PSMD11: variants seen among roughly 807,000 people sequenced by gnomAD.
The protein encoded by PSMD11 is 26S proteasome non-ATPase regulatory subunit 11.
In PSMD11, 5 loss-of-function variants were observed where a neutral mutation model predicts 62.3. That is an observed-to-expected ratio of 0.08 (90% CI 0.04 to 0.17). The LOEUF is 0.17. Ranked by LOEUF, PSMD11 falls within the 10% of genes least tolerant of loss-of-function variation. The pLI is 1.00. For synonymous variants in PSMD11, 191 were observed against 191.8 expected (o/e 1.00, Z 0.03); for missense variants, 310 against 512.9 (o/e 0.60, Z 3.82).
chr17:32,457,140 A>G (rs1369515113), intron 3 of PSMD11, among the ~76,000 whole-genome samples: 1 of 152,224 alleles, frequency 6.6e-6, no homozygotes, highest in African/African-American at 2.4e-5. Flanking sequence ...ACATTTATAT[A>G]AAGTAAAGAC....
chr17:32,446,994 G>A lies in PSMD11; in HGVS notation c.141G>A (p.Glu47=), dbSNP rs780251034. The change falls in exon 2 of 14, where the codon GAG becomes GAA. Residue 47 remains glutamate (E), a synonymous_variant. Coordinates refer to ENST00000261712, the MANE Select transcript of PSMD11 (RefSeq NM_002815.4). ...ENDEEAVQVK[E]QSILELGSLL... ...ATGAAGAGGCAGTGCAAGTCAAAGA[G>A]CAGAGCATCCTGGAACTGGGATCTC... 6.2e-7 allele frequency: 1 copy of A among 1,613,332 alleles called. No homozygotes were observed. The highest frequency in any genetic ancestry group is 1.1e-5 in the South Asian group (1 of 90,998).
intron 9 of PSMD11, among the ~76,000 whole-genome samples, chr17:32,478,761 C>T (rs185415620): frequency 2.6e-5 from 4 of 152,234 alleles, no homozygotes; most frequent in African/African-American, 9.6e-5. Context: ...CTGTAGAATA[C>T]ATGCTGAGAA....
chr17:32,458,950 C>G (rs960701015), intron 3 of PSMD11, among the ~76,000 whole-genome samples: 18 of 151,478 alleles, frequency 1.2e-4, no homozygotes, highest in African/African-American at 4.4e-4. Flanking sequence ...CAAAAATTAG[C>G]CAGGTGTGGT....
chr17:32,459,207 A>C (rs560466099), intron 3 of PSMD11, among the ~76,000 whole-genome samples: 176 of 148,814 alleles, frequency 1.2e-3, no homozygotes, highest in African/African-American at 4.2e-3. Context: ...TGGCTTGAAG[A>C]AGCTGCATAC....
intron 2 of PSMD11, 96 bp downstream of exon 2, chr17:32,447,142 C>T: frequency 8.3e-6 from 8 of 965,652 alleles, no homozygotes; most frequent in Non-Finnish European, 1.0e-5. Context: ...AAACTGAATT[C>T]AGCTTTATTT....
At chr17:32,468,450 T>C (rs934198628) in intron 5 of PSMD11, among the ~76,000 whole-genome samples, 1 of 152,250 alleles carries the variant, frequency 6.6e-6, no homozygotes, top group East Asian at 1.9e-4. Flanking sequence ...AGAAGTTTTA[T>C]AGGTTTCACT....
chr17:32,459,978 C>G (rs1907775551), intron 3 of PSMD11, among the ~76,000 whole-genome samples: 1 of 152,030 alleles, frequency 6.6e-6, no homozygotes, highest in Non-Finnish European at 1.5e-5. Context: ...AAAGAATAGA[C>G]AAGCAAGTCA....
At chr17:32,478,317 A>G (rs531022051) in intron 9 of PSMD11, among the ~76,000 whole-genome samples, 3 of 152,278 alleles carry the variant, frequency 2.0e-5, no homozygotes, top group African/African-American at 7.2e-5. Flanking sequence ...GAGATTCACC[A>G]TCTTCCTGGA....
Position 32,446,960 on chromosome 17 carries a change from A to G in PSMD11, c.107A>G (p.Gln36Arg). ...ILHSIVKRDI[Q>R]ENDEEAVQVK... The stretch of plus-strand genomic sequence containing the variant: ...CCTCTCCCAGTGAAGCGTGACATTC[A>G]GGAAAACGATGAAGAGGCAGTGCAA... The change falls in exon 2 of 14, where the codon CAG becomes CGG. Residue 36 changes from glutamine (Q) to arginine (R), a missense_variant. By Grantham distance (43) the Gln-to-Arg change is conservative. Coordinates refer to ENST00000261712, the MANE Select transcript of PSMD11 (RefSeq NM_002815.4). 1 of 1,611,334 alleles carries G rather than the reference A, an allele frequency of 6.2e-7. No individual in the cohort carries two copies. Among genetic ancestry groups the G allele is most frequent in the Non-Finnish European group, 8.5e-7 (1 of 1,178,760 alleles).
At chr17:32,463,216 A>T (rs1907892620) in intron 3 of PSMD11, among the ~76,000 whole-genome samples, 1 of 152,242 alleles carries the variant, frequency 6.6e-6, no homozygotes, top group African/African-American at 2.4e-5. Context: ...ACTGTCTAGC[A>T]TTGAGTGCTG....
chr17:32,449,037 G>C (rs777162803), intron 2 of PSMD11, among the ~76,000 whole-genome samples: 2 of 152,112 alleles, frequency 1.3e-5, no homozygotes, highest in Non-Finnish European at 2.9e-5. Flanking sequence ...AAACAGTTTT[G>C]ATAATTACTC....
At position 32,479,135 on chromosome 17, in the gene PSMD11, C is replaced by T. The variant is rs1007986096; in HGVS notation, c.913-116C>T. On this transcript the variant is annotated intron_variant, in intron 9 of 13. Coordinates refer to ENST00000261712, the MANE Select transcript of PSMD11 (RefSeq NM_002815.4). ...TATCATGCATCTCCCCAGATCTCCC[C>T]TAACTTCATTCAACCATGTAGTTTT... is the stretch of plus-strand genomic sequence containing the variant. The T allele has an allele frequency of 2.2e-6, 3 of 1,354,516 alleles. No individual in the cohort carries two copies. In the Admixed American group the frequency reaches 6.6e-5, roughly 30 times the overall value. The allele number at this position is 1,354,516 out of a possible 1,614,324, so 83.9% of individuals were successfully genotyped here.
intron 3 of PSMD11, among the ~76,000 whole-genome samples, chr17:32,460,810 C>T (rs1392314130): frequency 6.6e-6 from 1 of 151,484 alleles, no homozygotes. Context: ...CTTGCTATTC[C>T]CAAAGTTGGT....
In PSMD11 at chr17:32,474,764, C is replaced by G. The variant is rs138901273; in HGVS notation, c.789C>G (p.Thr263=). 1 of 1,613,832 alleles carries G rather than the reference C, an allele frequency of 6.2e-7. No individual in the cohort carries two copies. The highest frequency in any genetic ancestry group is 8.5e-7 in the Non-Finnish European group (1 of 1,179,924). Residue 263 remains threonine, a splice_region_variant and synonymous_variant, in exon 8 of 14, where the codon ACC becomes ACG. Transcript: ENST00000261712. ...TGACCAAGTATGTCTTTTTTTCTAG[C>G]CCAGAAGATGTCCAGGCTTTGGTGA... The part of the protein sequence containing the change: ...YMLLCKIMLN[T]PEDVQALVSG...
At chr17:32,458,570 T>A (rs190904083) in intron 3 of PSMD11, among the ~76,000 whole-genome samples, 6 of 152,368 alleles carry the variant, frequency 3.9e-5, no homozygotes, top group Non-Finnish European at 7.3e-5. Context: ...TGACAGTGGC[T>A]TTACACTTGC....
At chr17:32,473,577 C>G (rs1908234892) in intron 6 of PSMD11, among the ~76,000 whole-genome samples, 1 of 151,506 alleles carries the variant, frequency 6.6e-6, no homozygotes, top group Non-Finnish European at 1.5e-5. Context: ...GAAACCGTGC[C>G]CAGCATTTTT....
chr17:32,466,279 G>T (rs1199969503), intron 5 of PSMD11, among the ~76,000 whole-genome samples: 2 of 152,172 alleles, frequency 1.3e-5, no homozygotes, highest in African/African-American at 4.8e-5. Context: ...TTACAGGTGT[G>T]AGCTACCGTG....
Position 32,458,020 on chromosome 17 carries a change from C to T in PSMD11, c.318+3401C>T, listed in dbSNP as rs552722872. Among the ~76,000 whole-genome samples, 6 of 152,142 alleles carry T rather than the reference C, an allele frequency of 3.9e-5. No homozygotes were observed. In the South Asian group the frequency reaches 1.2e-3, roughly 32 times the overall value. ...TTCACCATGTTGGCCAGGCTGGTCT[C>T]GAACTCCTGACCTTGTGATCTGCCG... On this transcript the variant is annotated intron_variant, in intron 3 of 13. Coordinates refer to ENST00000261712, the MANE Select transcript of PSMD11 (RefSeq NM_002815.4).
rs1415030367 is a variant in PSMD11, at chr17:32,464,124, G to A, written c.390+4G>A. ...TTTCTTACGCCAAGCTTTGGAGGTA[G>A]GTTTTACATTAGTACTCATTTCAGG... On this transcript the variant is annotated splice_donor_region_variant and intron_variant, in intron 4 of 13. Transcript: ENST00000261712. 6.2e-7 allele frequency: 1 copy of A among 1,611,398 alleles called. No homozygotes were observed. Among genetic ancestry groups the A allele is most frequent in the Admixed American group, 1.7e-5 (1 of 60,008 alleles).
Sources: allele counts gnomAD v4.1 joint callset (sites outside exome capture counted in the v4.1 genomes callset), GRCh38; gene constraint gnomAD v4.1.1; transcripts MANE v1.5; gene names NCBI Gene and HGNC (gene_info 2026-07-23, HGNC 2026-07-21).